Variants in ITGA9 observed in about 807,000 individuals in gnomAD.
The protein encoded by ITGA9 is integrin alpha-9.
In ITGA9, 56 loss-of-function variants were observed where a neutral mutation model predicts 127.8. The ratio of observed to expected loss-of-function variants is 0.44; its 90% CI spans 0.35 to 0.55. The LOEUF is 0.55. Ranked by LOEUF, ITGA9 falls within the 20% of genes least tolerant of loss-of-function variation. ITGA9 has a pLI of 0.00. For synonymous variants in ITGA9, 508 were observed against 514.5 expected (o/e 0.99, Z 0.17); for missense variants, 1,196 against 1,347.1 (o/e 0.89, Z 1.76).
chr3:37,665,424 A>T (rs563808137), intron 17 of ITGA9, among the ~76,000 whole-genome samples: 34 of 152,160 alleles, frequency 2.2e-4, no homozygotes, highest in African/African-American at 7.5e-4. Flanking sequence ...CCCTCCTCAG[A>T]ACAAGTGTTT....
At chr3:37,567,823 C>T (rs1053793312) in intron 15 of ITGA9, among the ~76,000 whole-genome samples, 7 of 152,194 alleles carry the variant, frequency 4.6e-5, no homozygotes, top group African/African-American at 1.4e-4. Context: ...GGCAGCTCTG[C>T]GTCTGTGGCT....
At chr3:37,505,680 C>G (rs552491898) in intron 6 of ITGA9, among the ~76,000 whole-genome samples, 2 of 152,258 alleles carry the variant, frequency 1.3e-5, no homozygotes, top group East Asian at 3.9e-4. Context: ...TTGAGTTTTA[C>G]ACGTCAGATA....
intron 1 of ITGA9, among the ~76,000 whole-genome samples, chr3:37,464,266 A>G (rs1579041619): frequency 7.7e-6 from 1 of 129,892 alleles, no homozygotes; most frequent in Non-Finnish European, 1.6e-5. Flanking sequence ...CCACAGCTCT[A>G]TTTGTCAGGG....
At chr3:37,453,115 G>GCCCCCCCCCCCCCC (rs33973256) in intron 1 of ITGA9, among the ~76,000 whole-genome samples, 1 of 142,008 alleles carries the variant, frequency 7.0e-6, no homozygotes, top group African/African-American at 2.7e-5. Context: ...GAGCCCCGGC[G>GCCCCCCCCCCCCCC]CCCCCCCCCC....
At chr3:37,542,348 C>A in intron 14 of ITGA9, 77 bp from the exon 15 acceptor site, 1 of 1,497,288 alleles carries the variant, frequency 6.7e-7, no homozygotes, top group Non-Finnish European at 9.3e-7. Flanking sequence ...GCATGTGATC[C>A]TGTGACAAGG....
At chr3:37,627,061 G>T (rs1700182517) in intron 15 of ITGA9, among the ~76,000 whole-genome samples, 1 of 152,194 alleles carries the variant, frequency 6.6e-6, no homozygotes. Context: ...TTTGCTCCCA[G>T]AGGGACATGA....
At chr3:37,503,078 G>C (rs1698804732) in intron 5 of ITGA9, 100 bp from the exon 6 acceptor site, 3 of 1,402,882 alleles carry the variant, frequency 2.1e-6, no homozygotes, top group Admixed American at 3.8e-5. Context: ...AGTTCTTGGT[G>C]TGAGGAATTT....
At chr3:37,649,877 C>T (rs1204076976) in intron 16 of ITGA9, among the ~76,000 whole-genome samples, 1 of 152,150 alleles carries the variant, frequency 6.6e-6, no homozygotes, top group Non-Finnish European at 1.5e-5. Context: ...TTTCCAACCA[C>T]AATGGAATGA....
At chr3:37,536,336 A>G (rs945480961) in intron 14 of ITGA9, among the ~76,000 whole-genome samples, 1 of 152,264 alleles carries the variant, frequency 6.6e-6, no homozygotes, top group Non-Finnish European at 1.5e-5. Flanking sequence ...CAGGCCTTCC[A>G]GGCACCTCTC....
At chr3:37,596,628 T>TG (rs1050451459) in intron 15 of ITGA9, among the ~76,000 whole-genome samples, 1 of 151,886 alleles carries the variant, frequency 6.6e-6, no homozygotes, top group African/African-American at 2.4e-5. Context: ...CATCTCAGGG[T>TG]GAAAGCTGGC....
intron 18 of ITGA9, among the ~76,000 whole-genome samples, chr3:37,728,869 A>G (rs1004012430): frequency 4.6e-5 from 7 of 151,522 alleles, no homozygotes; most frequent in African/African-American, 1.7e-4. Context: ...AAGGGAGCAG[A>G]ATGAGGAGGG....
At chr3:37,705,073 A>G (rs1168125834) in intron 18 of ITGA9, among the ~76,000 whole-genome samples, 3 of 152,210 alleles carry the variant, frequency 2.0e-5, no homozygotes, top group Admixed American at 6.5e-5. Context: ...CAAATGGGAA[A>G]GTGGATGCTT....
intron 4 of ITGA9, among the ~76,000 whole-genome samples, chr3:37,487,314 G>C (rs1181109097): frequency 6.6e-6 from 1 of 152,218 alleles, no homozygotes; most frequent in Non-Finnish European, 1.5e-5. Flanking sequence ...GGGATTCTGA[G>C]GGGGAGGAAG....
chr3:37,532,139 A>G (rs1449494581), intron 13 of ITGA9, among the ~76,000 whole-genome samples: 3 of 152,320 alleles, frequency 2.0e-5, no homozygotes, highest in Admixed American at 6.5e-5. Context: ...AGGCACTGCT[A>G]TTGTCTGACT....
intron 14 of ITGA9, among the ~76,000 whole-genome samples, chr3:37,538,195 C>G (rs542499278): frequency 6.6e-6 from 1 of 152,158 alleles, no homozygotes; most frequent in South Asian, 2.1e-4. Context: ...GCCTGAAACT[C>G]GGGAAGGAGA....
chr3:37,520,531 C>T (rs2125581030), intron 11 of ITGA9, among the ~76,000 whole-genome samples: 1 of 152,282 alleles, frequency 6.6e-6, no homozygotes, highest in South Asian at 2.1e-4. Context: ...CTCCACATTG[C>T]AAAAAGGAAC....
intron 18 of ITGA9, among the ~76,000 whole-genome samples, chr3:37,717,804 A>G (rs967502832): frequency 5.9e-5 from 9 of 152,244 alleles, no homozygotes; most frequent in African/African-American, 2.2e-4. Flanking sequence ...AAGCACTGGT[A>G]TGGTACATAG....
At chr3:37,633,364 A>T (rs562342627) in intron 16 of ITGA9, among the ~76,000 whole-genome samples, 1 of 152,316 alleles carries the variant, frequency 6.6e-6, no homozygotes, top group Non-Finnish European at 1.5e-5. Flanking sequence ...GTCAGTTGAA[A>T]ATGTATTTAA....
At chr3:37,528,480 G>A (rs911900647) in intron 13 of ITGA9, among the ~76,000 whole-genome samples, 3 of 152,132 alleles carry the variant, frequency 2.0e-5, no homozygotes, top group Admixed American at 1.3e-4. Flanking sequence ...AAGAGTGGTC[G>A]GGCCATGACA....
Sources: allele counts gnomAD v4.1 joint callset (sites outside exome capture counted in the v4.1 genomes callset), GRCh38; gene constraint gnomAD v4.1.1; transcripts MANE v1.5; gene names NCBI Gene and HGNC (gene_info 2026-07-23, HGNC 2026-07-21).